The following PALLD variants were observed in gnomAD, a reference collection of about 807,000 sequenced individuals.
The protein encoded by PALLD is palladin.
In PALLD, 61 loss-of-function variants were observed where a neutral mutation model predicts 123.5. The observed-to-expected ratio is 0.49, with a 90% CI of 0.40 to 0.61. The LOEUF is 0.61. Ranked by LOEUF, PALLD falls within the 20% of genes least tolerant of loss-of-function variation. The pLI, the probability that PALLD is intolerant of heterozygous loss-of-function variation, is 0.00. For missense variants in PALLD, 1,273 were observed against 1,377.0 expected, an observed-to-expected ratio of 0.92 and a Z score of 1.20; for synonymous variants, 465 against 496.4, an observed-to-expected ratio of 0.94 and a Z score of 0.84.
chr4:168,875,375 T>C (rs1333511761), intron 10 of PALLD, among the ~76,000 whole-genome samples: 4 of 152,146 alleles, frequency 2.6e-5, no homozygotes, highest in Admixed American at 6.5e-5. Flanking sequence ...AAGAAGAAAA[T>C]GGTAAAATTG....
intron 10 of PALLD, among the ~76,000 whole-genome samples, chr4:168,748,415 T>C (rs1049007937): frequency 1.3e-5 from 2 of 152,256 alleles, no homozygotes; most frequent in Admixed American, 1.3e-4. Context: ...ATGTCAGTTC[T>C]AAGTAATATA....
chr4:168,913,161 G>A (rs1390206728), intron 15 of PALLD, among the ~76,000 whole-genome samples: 2 of 142,804 alleles, frequency 1.4e-5, no homozygotes, highest in Non-Finnish European at 3.0e-5. Context: ...TTTTGAGACA[G>A]AGTCTTGCTC....
At chr4:168,505,316 C>T (rs946774827) in intron 1 of PALLD, among the ~76,000 whole-genome samples, 7 of 152,118 alleles carry the variant, frequency 4.6e-5, no homozygotes, top group Admixed American at 3.9e-4. Flanking sequence ...TCTTTAAAAC[C>T]AAAATATGAG....
intron 10 of PALLD, among the ~76,000 whole-genome samples, chr4:168,838,172 CA>C (rs1272890691): frequency 1.3e-5 from 2 of 152,228 alleles, no homozygotes; most frequent in African/African-American, 2.4e-5. Flanking sequence ...GGGAGGTATC[CA>C]AGAATGACTG....
chr4:168,759,714 G>C (rs988281262), intron 10 of PALLD, among the ~76,000 whole-genome samples: 1 of 152,096 alleles, frequency 6.6e-6, no homozygotes, highest in Admixed American at 6.5e-5. Flanking sequence ...ATCCTGTGCA[G>C]GTCCAGGATT....
chr4:168,861,666 T>A (rs1004746102), intron 10 of PALLD, among the ~76,000 whole-genome samples: 49 of 152,074 alleles, frequency 3.2e-4, no homozygotes, highest in African/African-American at 8.4e-4. Flanking sequence ...AGATTTTTTT[T>A]AATTTTTTTT....
At chr4:168,499,145 C>T (rs1454855559) in intron 1 of PALLD, among the ~76,000 whole-genome samples, 1 of 90,354 alleles carries the variant, frequency 1.1e-5, no homozygotes, top group Non-Finnish European at 2.1e-5. Flanking sequence ...ATAAAATTTT[C>T]GTGTTTGACT....
chr4:168,665,129 A>G (rs1239840815), intron 2 of PALLD, among the ~76,000 whole-genome samples: 2 of 152,228 alleles, frequency 1.3e-5, no homozygotes, highest in African/African-American at 4.8e-5. Context: ...CTTGGAATAT[A>G]CTAGGATACA....
intron 10 of PALLD, among the ~76,000 whole-genome samples, chr4:168,826,391 A>T (rs78860111): frequency 0.01 from 1,526 of 152,298 alleles, 15 homozygotes; most frequent in African/African-American, 0.034. Context: ...CCAAACATAT[A>T]TATTCCTTGG....
chr4:168,656,363 G>A (rs550827991), intron 2 of PALLD, among the ~76,000 whole-genome samples: 2 of 151,746 alleles, frequency 1.3e-5, no homozygotes, highest in South Asian at 4.2e-4. Context: ...CTTGCATAGG[G>A]AATTGGTGAG....
intron 2 of PALLD, among the ~76,000 whole-genome samples, chr4:168,618,886 A>G (rs889608902): frequency 3.3e-5 from 5 of 152,232 alleles, no homozygotes; most frequent in African/African-American, 1.2e-4. Context: ...CCAGTACAGT[A>G]CATTTTTTCT....
At chr4:168,702,210 G>A (rs2150163648) in intron 8 of PALLD, among the ~76,000 whole-genome samples, 1 of 152,122 alleles carries the variant, frequency 6.6e-6, no homozygotes, top group Middle Eastern at 3.4e-3. Flanking sequence ...ATCAGCTCTA[G>A]AAAAAAAGAA....
Position 168,512,263 on chromosome 4 carries a change from C to A in PALLD, c.759C>A (p.His253Gln). ...ACAACCAGGACTTGGCAGTGCCACACAACCGCAAGTCTCACCCACAGCCCC... is the reference window on the plus strand; with the variant it reads ...ACAACCAGGACTTGGCAGTGCCACAAAACCGCAAGTCTCACCCACAGCCCC... ...YQDNQDLAVP[H>Q]NRKSHPQPHS... is the part of the protein sequence containing the mutation. The change falls in exon 2 of 22, where the codon CAC becomes CAA. Residue 253 changes from histidine to glutamine, a missense_variant. Physicochemically the swap from His to Gln is conservative, Grantham distance 24. This residue lies in a region of PALLD where 944 missense variants were observed against 954.5 expected (regional missense o/e 0.99). Transcript: ENST00000505667. 6.2e-7 allele frequency: 1 copy of A among 1,614,162 alleles called. No homozygotes were observed. Among genetic ancestry groups the A allele is most frequent in the African/African-American group, 1.3e-5 (1 of 75,036 alleles).
intron 10 of PALLD, among the ~76,000 whole-genome samples, chr4:168,821,713 TA>T (rs895199382): frequency 4.0e-5 from 6 of 149,308 alleles, no homozygotes; most frequent in East Asian, 2.0e-4. Flanking sequence ...TCGTCTCTAC[TA>T]AAAAAAAATA....
rs143187290 is a variant in PALLD at position 168,741,715 on chromosome 4, GGAGA to G, written c.1964+29805_1964+29808del. Among the ~76,000 whole-genome samples, 4 of 151,286 alleles carry G rather than the reference GGAGA, an allele frequency of 2.6e-5. No individual in the cohort carries two copies. In the South Asian group the frequency reaches 8.4e-4, roughly 32 times the overall value. ...AAAAAACAAACAAAAAAGAATGGTTGGAGAGAGAGAGAGAGAAAGAGGAAAATAA... is the reference window on the plus strand; with the variant it reads ...AAAAAACAAACAAAAAAGAATGGTTGGAGAGAGAGAGAAAGAGGAAAATAA... On this transcript the variant is annotated intron_variant, in intron 10 of 21. Coordinates refer to ENST00000505667, the MANE Select transcript of PALLD (RefSeq NM_001166108.2).
At position 168,796,566 on chromosome 4, in the gene PALLD, A is replaced by G. The variant is rs181014180; in HGVS notation, c.1964+84643A>G. On this transcript the variant is annotated intron_variant, in intron 10 of 21. Transcript: ENST00000505667. ...GTACTCTTGGCCCAGGATCTGAACC[A>G]TAGCCTATGCTTAATAAATATTTGT... Among the ~76,000 whole-genome samples, 13 of 152,308 alleles carry G rather than the reference A, an allele frequency of 8.5e-5. 1 individual carries two copies. The East Asian group carries it at 2.3e-3, about 27-fold the overall frequency.
rs959622020 is a variant in PALLD at position 168,691,375 on chromosome 4, T to C, written c.1501+83T>C. 5.2e-6 allele frequency: 6 copies of C among 1,145,532 alleles called. No individual in the cohort carries two copies. The African/African-American group carries it at 6.2e-5, about 12-fold the overall frequency. The allele number at this position is 1,145,532 out of a possible 1,614,324, so 71.0% of individuals were successfully genotyped here. On this transcript the variant is annotated intron_variant, in intron 8 of 21. Coordinates refer to ENST00000505667, the MANE Select transcript of PALLD (RefSeq NM_001166108.2). The stretch of plus-strand genomic sequence containing the variant: ...TTGGGTCTCAATAGTTCTTTCTTTC[T>C]ACCTTAAAGCCGTAAGCAGAACAAT...
chr4:168,860,499 G>T (rs529497441), intron 10 of PALLD, among the ~76,000 whole-genome samples: 1 of 152,342 alleles, frequency 6.6e-6, no homozygotes, highest in East Asian at 1.9e-4. Context: ...TGGGAAGTAA[G>T]TTGTGCTGTG....
Position 168,916,740 on chromosome 4 carries a change from G to A in PALLD, c.2850+713G>A, listed in dbSNP as rs1007592516. Among the ~76,000 whole-genome samples, 6 of 145,000 alleles carry A rather than the reference G, an allele frequency of 4.1e-5. No individual in the cohort carries two copies. In the Middle Eastern group the frequency reaches 0.011, roughly 271 times the overall value. ...TCTGTCACCAGGCTGGAGTGCAGTG[G>A]TGCAATCTCGGCTCGCTGCAACCTC... is the stretch of plus-strand genomic sequence containing the variant. On this transcript the variant is annotated intron_variant, in intron 17 of 21. Transcript: ENST00000505667.
Sources: allele counts gnomAD v4.1 joint callset (sites outside exome capture counted in the v4.1 genomes callset), GRCh38; gene constraint gnomAD v4.1.1; regional missense constraint gnomAD v4.1.1; transcripts MANE v1.5; gene names NCBI Gene and HGNC (gene_info 2026-07-23, HGNC 2026-07-21).